EPHX4: variants seen among roughly 807,000 people sequenced by gnomAD.
EPHX4 encodes abhydrolase domain containing 7.
In EPHX4, 31 loss-of-function variants were observed where a neutral mutation model predicts 44.9. The observed-to-expected ratio is 0.69, with a 90% CI of 0.52 to 0.93. The LOEUF is 0.93. Ranked by LOEUF, EPHX4 falls within the 40% of genes least tolerant of loss-of-function variation. The pLI, the probability that EPHX4 is intolerant of heterozygous loss-of-function variation, is 0.00. For synonymous variants in EPHX4, 151 were observed against 159.7 expected (o/e 0.95, Z 0.41); for missense variants, 373 against 438.1 (o/e 0.85, Z 1.33).
At chr1:92,032,975 T>G (rs1030752776) in intron 2 of EPHX4, among the ~76,000 whole-genome samples, 3 of 152,040 alleles carry the variant, frequency 2.0e-5, no homozygotes, top group Non-Finnish European at 4.4e-5. Flanking sequence ...TGGGGCACAG[T>G]GGCATGATCA....
intron 6 of EPHX4, among the ~76,000 whole-genome samples, chr1:92,061,926 G>A (rs1338321292): frequency 6.6e-6 from 1 of 151,982 alleles, no homozygotes; most frequent in Admixed American, 6.6e-5. Flanking sequence ...AGAAAGTATA[G>A]GCCATGTGTG....
At chr1:92,040,176 ATTTTTTT>A (rs10646888) in intron 2 of EPHX4, among the ~76,000 whole-genome samples, 1 of 112,152 alleles carries the variant, frequency 8.9e-6, no homozygotes, top group Non-Finnish European at 1.7e-5. Context: ...TGTTACAATG[ATTTTTTT>A]TTTTTTTTTT....
At chr1:92,049,931 C>G (rs780565225) in intron 4 of EPHX4, among the ~76,000 whole-genome samples, 36 of 151,886 alleles carry the variant, frequency 2.4e-4, no homozygotes, top group Non-Finnish European at 4.1e-4. Flanking sequence ...AACTCTGCCT[C>G]TACTAAAAAT....
intron 4 of EPHX4, among the ~76,000 whole-genome samples, chr1:92,049,825 G>A (rs545079308): frequency 3.9e-5 from 6 of 152,206 alleles, no homozygotes; most frequent in East Asian, 3.9e-4. Flanking sequence ...AAGACCAGGC[G>A]TGGTGGCTCA....
intron 4 of EPHX4, 33 bp downstream of exon 4, chr1:92,045,693 T>C: frequency 1.2e-6 from 2 of 1,611,950 alleles, no homozygotes; most frequent in Non-Finnish European, 1.7e-6. Flanking sequence ...ACAGTTCTGC[T>C]AATGTGACAA....
chr1:92,048,772 G>A (rs903532786), intron 4 of EPHX4, among the ~76,000 whole-genome samples: 9 of 152,008 alleles, frequency 5.9e-5, no homozygotes, highest in Non-Finnish European at 1.2e-4. Flanking sequence ...CTGGAGTGCA[G>A]TGGCATAATC....
intron 1 of EPHX4, among the ~76,000 whole-genome samples, chr1:92,031,445 T>C (rs761945918): frequency 2.0e-5 from 3 of 152,152 alleles, no homozygotes; most frequent in Non-Finnish European, 2.9e-5. Context: ...TAAAACACTT[T>C]TCCCCTCGCT....
At chr1:92,030,449 C>CTG in intron 1 of EPHX4, 139 bp downstream of exon 1, 1 of 389,084 alleles carries the variant, frequency 2.6e-6, no homozygotes, top group Non-Finnish European at 4.3e-6. Flanking sequence ...GGTTGGGTCC[C>CTG]TGTGTGTCGT....
intron 4 of EPHX4, among the ~76,000 whole-genome samples, chr1:92,049,872 G>A (rs750699940): frequency 1.8e-4 from 28 of 152,090 alleles, no homozygotes; most frequent in Non-Finnish European, 3.7e-4. Flanking sequence ...GCCGAGGTGG[G>A]CAGATCACCT....
At chr1:92,049,937 A>C (rs564982170) in intron 4 of EPHX4, among the ~76,000 whole-genome samples, 1 of 152,106 alleles carries the variant, frequency 6.6e-6, no homozygotes, top group East Asian at 1.9e-4. Flanking sequence ...GCCTCTACTA[A>C]AAATACAAAA....
Position 92,030,054 on chromosome 1 carries a change from G to A in EPHX4, c.-26G>A. 1 of 1,539,244 alleles carries A rather than the reference G, an allele frequency of 6.5e-7. No homozygotes were observed. Among genetic ancestry groups the A allele is most frequent in the Non-Finnish European group, 8.7e-7 (1 of 1,143,738 alleles). On this transcript the variant is annotated 5_prime_UTR_variant, in exon 1 of 7. Transcript: ENST00000370383. ...CTCGCTCACCCGCTCCCGAGGAAGGGCAGTGGGCCCCGCCGCCGCCTCCCA... is the reference window on the plus strand; with the variant it reads ...CTCGCTCACCCGCTCCCGAGGAAGGACAGTGGGCCCCGCCGCCGCCTCCCA...
At chr1:92,033,423 T>C (rs905243323) in intron 2 of EPHX4, among the ~76,000 whole-genome samples, 5 of 152,152 alleles carry the variant, frequency 3.3e-5, no homozygotes, top group Admixed American at 6.6e-5. Context: ...ATAGAGTATC[T>C]ACTATAGACA....
At chr1:92,045,951 A>G (rs1004330408) in intron 4 of EPHX4, among the ~76,000 whole-genome samples, 1 of 152,224 alleles carries the variant, frequency 6.6e-6, no homozygotes, top group Non-Finnish European at 1.5e-5. Flanking sequence ...CTTTGACAGT[A>G]ATGAATCCTG....
At position 92,032,572 on chromosome 1, in the gene EPHX4, A is replaced by C. The variant is rs1688377892; in HGVS notation, c.299A>C (p.His100Pro). The change falls in exon 2 of 7, where the codon CAT becomes CCT. Residue 100 changes from histidine to proline, a missense_variant. By Grantham distance (77) the His-to-Pro change is moderately conservative. Transcript: ENST00000370383. ...ERGKPLMLLL[H>P]GFPEFWYSWR... ...GGCAAACCACTTATGCTGCTGCTTC[A>C]TGGATTTCCAGAATTCTGGTAAGCT... is the stretch of plus-strand genomic sequence containing the variant. 4.3e-6 allele frequency: 7 copies of C among 1,614,070 alleles called. No individual in the cohort carries two copies. The highest frequency in any genetic ancestry group is 5.9e-6 in the Non-Finnish European group (7 of 1,179,944).
chr1:92,044,570 G>A (rs10875152), intron 3 of EPHX4, among the ~76,000 whole-genome samples: 2 of 152,006 alleles, frequency 1.3e-5, no homozygotes, highest in Non-Finnish European at 2.9e-5. Flanking sequence ...ACATTTTAAC[G>A]TACTTTAAAT....
intron 6 of EPHX4, among the ~76,000 whole-genome samples, chr1:92,057,438 A>G (rs1224135955): frequency 6.6e-6 from 1 of 152,194 alleles, no homozygotes; most frequent in Non-Finnish European, 1.5e-5. Flanking sequence ...AAAACAGGCA[A>G]TTTTTAAGAA....
chr1:92,059,747 C>T (rs1425669363), intron 6 of EPHX4, among the ~76,000 whole-genome samples: 1 of 152,028 alleles, frequency 6.6e-6, no homozygotes, highest in Non-Finnish European at 1.5e-5. Context: ...AATTCTAAGG[C>T]ATATAGGAAT....
Position 92,047,213 on chromosome 1 carries a change from C to T in EPHX4, c.604+1553C>T, listed in dbSNP as rs150556312. Among the ~76,000 whole-genome samples, 33 of 152,254 alleles carry T rather than the reference C, an allele frequency of 2.2e-4. No individual in the cohort carries two copies. The East Asian group carries it at 5.6e-3, about 26-fold the overall frequency. The stretch of plus-strand genomic sequence containing the variant: ...GTCTGACTGATGATTGGTTGTTAGT[C>T]ATTCTTTCAAGTAAAATAATGTTAC... On this transcript the variant is annotated intron_variant, in intron 4 of 6. Transcript: ENST00000370383.
At chr1:92,039,250 T>G (rs1688479621) in intron 2 of EPHX4, among the ~76,000 whole-genome samples, 1 of 152,198 alleles carries the variant, frequency 6.6e-6, no homozygotes, top group Non-Finnish European at 1.5e-5. Flanking sequence ...GACATGAGTT[T>G]GTGTCTTTGC....
Sources: gnomAD v4.1 joint callset for allele counts (sites outside exome capture counted in the v4.1 genomes callset) on GRCh38, gnomAD v4.1.1 for gene constraint, MANE v1.5 for transcripts, NCBI Gene and HGNC (gene_info 2026-07-23, HGNC 2026-07-21) for gene names.